SHISA9: variants seen among roughly 807,000 people sequenced by gnomAD.
SHISA9 encodes protein shisa-9.
A neutral mutation model predicts 38.0 loss-of-function variants in SHISA9; 13 were observed. The observed-to-expected ratio is 0.34, with a 90% CI of 0.22 to 0.54. The LOEUF (loss-of-function observed/expected upper bound fraction) is 0.54, where lower values mean the gene tolerates loss of function less well. SHISA9 is among the 20% of genes least tolerant of loss of function. The pLI is 0.91. For synonymous variants in SHISA9, 275 were observed against 242.0 expected, an observed-to-expected ratio of 1.14 and a Z score of -1.27; for missense variants, 538 against 575.8, an observed-to-expected ratio of 0.93 and a Z score of 0.67.
chr16:13,174,640 G>A (rs928408190), intron 2 of SHISA9, among the ~76,000 whole-genome samples: 1 of 152,192 alleles, frequency 6.6e-6, no homozygotes, highest in Admixed American at 6.5e-5. Context: ...GCCCAGGAGG[G>A]GTTTGGACTT....
the SHISA9 span, among the ~76,000 whole-genome samples, chr16:13,333,928 T>C: frequency 1.3e-5 from 2 of 152,214 alleles, no homozygotes; most frequent in Non-Finnish European, 2.9e-5. Flanking sequence ...TTGTTTCATC[T>C]AGCTCCAGAC....
At chr16:13,210,745 T>G (rs1452126480) in intron 3 of SHISA9, among the ~76,000 whole-genome samples, 5 of 152,236 alleles carry the variant, frequency 3.3e-5, no homozygotes, top group Non-Finnish European at 7.3e-5. Flanking sequence ...CCCCCCGTTT[T>G]GCAGATGGGG....
chr16:13,387,387 A>G, the SHISA9 span, among the ~76,000 whole-genome samples: 1 of 152,178 alleles, frequency 6.6e-6, no homozygotes. Context: ...AGAACATCAT[A>G]TGAAAATGGG....
chr16:12,959,309 G>C (rs532583906), intron 2 of SHISA9, among the ~76,000 whole-genome samples: 2 of 152,332 alleles, frequency 1.3e-5, no homozygotes, highest in South Asian at 2.1e-4. Context: ...AAGCTGGTTA[G>C]CTTCAGTAGG....
At chr16:13,253,579 G>A in the SHISA9 span, among the ~76,000 whole-genome samples, 1 of 152,160 alleles carries the variant, frequency 6.6e-6, no homozygotes. Flanking sequence ...TTGTGCAGGG[G>A]AACTCCCATT....
chr16:13,231,671 G>A (rs1342230139), intron 4 of SHISA9, among the ~76,000 whole-genome samples: 1 of 152,182 alleles, frequency 6.6e-6, no homozygotes, highest in Non-Finnish European at 1.5e-5. Context: ...ATCATACATA[G>A]CAAGTTAATA....
At chr16:13,497,462 G>A in the SHISA9 span, among the ~76,000 whole-genome samples, 2 of 152,190 alleles carry the variant, frequency 1.3e-5, no homozygotes, top group East Asian at 3.9e-4. Flanking sequence ...GAGGCAGGAG[G>A]ATCACGAGGT....
intron 4 of SHISA9, among the ~76,000 whole-genome samples, chr16:13,213,760 T>C (rs1392839444): frequency 6.6e-6 from 1 of 152,134 alleles, no homozygotes; most frequent in Non-Finnish European, 1.5e-5. Context: ...TTTTCAACTT[T>C]CCTGGGACAG....
chr16:13,191,655 A>C (rs552118953), intron 2 of SHISA9, among the ~76,000 whole-genome samples: 1 of 152,312 alleles, frequency 6.6e-6, no homozygotes, highest in East Asian at 1.9e-4. Flanking sequence ...ATTTGAGTCC[A>C]AAATGGACTG....
chr16:13,347,291 C>T, the SHISA9 span, among the ~76,000 whole-genome samples: 78 of 152,242 alleles, frequency 5.1e-4, no homozygotes, highest in African/African-American at 1.6e-3. Context: ...TCCATTTTAT[C>T]AGATGAGGAT....
intron 2 of SHISA9, among the ~76,000 whole-genome samples, chr16:13,065,249 C>A (rs2073421123): frequency 1.3e-5 from 2 of 152,168 alleles, no homozygotes; most frequent in African/African-American, 2.4e-5. Flanking sequence ...TCTTCCTTAT[C>A]ACTGATTTTT....
At chr16:12,936,424 G>A (rs929383161) in intron 2 of SHISA9, among the ~76,000 whole-genome samples, 1 of 152,292 alleles carries the variant, frequency 6.6e-6, no homozygotes, top group Non-Finnish European at 1.5e-5. Flanking sequence ...TTTAAGTTAT[G>A]TGAACTCAAC....
chr16:13,229,248 T>G (rs1204762266), intron 4 of SHISA9, among the ~76,000 whole-genome samples: 3 of 152,228 alleles, frequency 2.0e-5, no homozygotes, highest in African/African-American at 7.2e-5. Context: ...TACCTCATCT[T>G]GGAACGCTAG....
At chr16:13,163,810 G>A (rs140675213) in intron 2 of SHISA9, among the ~76,000 whole-genome samples, 20 of 152,080 alleles carry the variant, frequency 1.3e-4, no homozygotes, top group African/African-American at 4.6e-4. Flanking sequence ...CAAATACAAC[G>A]GAGTTTGGTA....
chr16:13,310,811 G>C, the SHISA9 span, among the ~76,000 whole-genome samples: 1 of 150,660 alleles, frequency 6.6e-6, no homozygotes. Flanking sequence ...AGCCTCTCAA[G>C]CAGCTGGGAC....
intron 2 of SHISA9, among the ~76,000 whole-genome samples, chr16:12,992,416 C>T (rs1358423027): frequency 6.6e-6 from 1 of 151,540 alleles, no homozygotes; most frequent in East Asian, 1.9e-4. Flanking sequence ...CTTGTAATCC[C>T]AGCTACTCAG....
chr16:12,940,602 T>G (rs2071597716), intron 2 of SHISA9, among the ~76,000 whole-genome samples: 1 of 152,208 alleles, frequency 6.6e-6, no homozygotes, highest in East Asian at 1.9e-4. Context: ...CTTTCCTTTG[T>G]TCTGTGTGCT....
chr16:13,518,644 G>T, the SHISA9 span, among the ~76,000 whole-genome samples: 1 of 151,984 alleles, frequency 6.6e-6, no homozygotes, highest in East Asian at 1.9e-4. Flanking sequence ...CTCTCCCCAG[G>T]ATGTTCCCCA....
chr16:13,057,485 A>C (rs546036870), intron 2 of SHISA9, among the ~76,000 whole-genome samples: 1 of 152,200 alleles, frequency 6.6e-6, no homozygotes, highest in South Asian at 2.1e-4. Context: ...ATCTCCAGGG[A>C]GGTTTATTAA....
Sources: allele counts gnomAD v4.1 joint callset (sites outside exome capture counted in the v4.1 genomes callset), GRCh38; gene constraint gnomAD v4.1.1; transcripts MANE v1.5; gene names NCBI Gene and HGNC (gene_info 2026-07-23, HGNC 2026-07-21).